The following ARHGAP42 variants were observed in gnomAD, a reference collection of about 807,000 sequenced individuals.
The protein encoded by ARHGAP42 is rho GTPase-activating protein 42.
ARHGAP42 carries 63 observed loss-of-function variants against 125.0 expected under a neutral mutation model. That is an observed-to-expected ratio of 0.50 (90% confidence interval 0.41 to 0.62). The LOEUF is 0.62. ARHGAP42 is among the 20% of genes least tolerant of loss of function. The probability of loss-of-function intolerance (pLI) is 0.00; values close to 1 mark genes in which losing one functional copy is unlikely to be tolerated. For missense variants in ARHGAP42, 766 were observed against 1,024.2 expected, an observed-to-expected ratio of 0.75 and a Z score of 3.44; for synonymous variants, 339 against 351.0, an observed-to-expected ratio of 0.97 and a Z score of 0.38.
chr11:100,957,902 T>C (rs1857845950), intron 12 of ARHGAP42, among the ~76,000 whole-genome samples: 1 of 152,068 alleles, frequency 6.6e-6, no homozygotes, highest in East Asian at 1.9e-4. Context: ...AAGAGAGAAA[T>C]TCTGTTTTAT....
chr11:100,867,479 C>A (rs1865597764), intron 4 of ARHGAP42, among the ~76,000 whole-genome samples: 1 of 152,242 alleles, frequency 6.6e-6, no homozygotes, highest in Non-Finnish European at 1.5e-5. Flanking sequence ...CATGAACCAA[C>A]CTCTGCTAGC....
chr11:100,821,607 C>T (rs1457512615), intron 3 of ARHGAP42, among the ~76,000 whole-genome samples: 1 of 146,378 alleles, frequency 6.8e-6, no homozygotes, highest in East Asian at 2.0e-4. Context: ...CCTACTCCCA[C>T]CACAAAAAAA....
intron 17 of ARHGAP42, among the ~76,000 whole-genome samples, 160 bp from the exon 18 acceptor site, chr11:100,973,015 T>C (rs987178781): frequency 6.6e-6 from 1 of 152,196 alleles, no homozygotes; most frequent in African/African-American, 2.4e-5. Flanking sequence ...TACATCTTTT[T>C]AGGCCATACT....
chr11:100,707,073 C>A (rs1202223405), intron 1 of ARHGAP42, among the ~76,000 whole-genome samples: 3 of 152,166 alleles, frequency 2.0e-5, no homozygotes, highest in African/African-American at 7.2e-5. Flanking sequence ...TAAACATAGA[C>A]CAGTATTTCA....
intron 1 of ARHGAP42, among the ~76,000 whole-genome samples, chr11:100,750,944 T>C (rs1344579966): frequency 6.6e-6 from 1 of 150,670 alleles, no homozygotes. Context: ...TACTTTTTTT[T>C]TTTTTTTTTT....
At chr11:100,946,880 CACAA>C (rs746121622) in intron 10 of ARHGAP42, among the ~76,000 whole-genome samples, 3 of 151,698 alleles carry the variant, frequency 2.0e-5, no homozygotes, top group East Asian at 1.9e-4. Context: ...ACAGGGTTGA[CACAA>C]ACAAACCATC....
chr11:100,888,017 T>C (rs1824689415), intron 4 of ARHGAP42, among the ~76,000 whole-genome samples: 2 of 152,216 alleles, frequency 1.3e-5, no homozygotes, highest in Admixed American at 1.3e-4. Context: ...AAGAATGCTC[T>C]TTGTTACCTG....
chr11:100,760,191 G>C (rs888587638), intron 1 of ARHGAP42, among the ~76,000 whole-genome samples: 4 of 152,192 alleles, frequency 2.6e-5, no homozygotes, highest in Non-Finnish European at 5.9e-5. Context: ...CTCTCTATTT[G>C]AAGACGTTTG....
chr11:100,701,935 C>T (rs1044450988), intron 1 of ARHGAP42, among the ~76,000 whole-genome samples: 4 of 151,890 alleles, frequency 2.6e-5, no homozygotes, highest in African/African-American at 7.3e-5. Flanking sequence ...GCCTAGTTTT[C>T]GGACTGTCTT....
At chr11:100,820,845 G>T (rs1591209107) in intron 3 of ARHGAP42, among the ~76,000 whole-genome samples, 1 of 151,756 alleles carries the variant, frequency 6.6e-6, no homozygotes, top group Non-Finnish European at 1.5e-5. Context: ...GAAAAATAAG[G>T]TTCATTTTAT....
intron 4 of ARHGAP42, among the ~76,000 whole-genome samples, chr11:100,912,691 G>A (rs1866956409): frequency 6.6e-6 from 1 of 152,070 alleles, no homozygotes; most frequent in Non-Finnish European, 1.5e-5. Flanking sequence ...CATTCCATTT[G>A]CATTTCTATG....
At chr11:100,710,602 C>T (rs897432128) in intron 1 of ARHGAP42, among the ~76,000 whole-genome samples, 7 of 139,580 alleles carry the variant, frequency 5.0e-5, no homozygotes, top group African/African-American at 1.1e-4. Context: ...GCAAATGGCA[C>T]GATCTCGGCT....
intron 4 of ARHGAP42, among the ~76,000 whole-genome samples, chr11:100,900,654 A>C (rs1174998697): frequency 1.3e-5 from 2 of 151,916 alleles, no homozygotes; most frequent in Non-Finnish European, 2.9e-5. Flanking sequence ...TTATTTCATT[A>C]ATTTGATCTT....
At chr11:100,921,355 G>A in intron 5 of ARHGAP42, 139 bp from the exon 6 acceptor site, 1 of 571,952 alleles carries the variant, frequency 1.7e-6, no homozygotes. Flanking sequence ...TACACTATAA[G>A]CTCCTGTAGG....
At chr11:100,971,821 A>T (rs1858255285) in intron 17 of ARHGAP42, among the ~76,000 whole-genome samples, 1 of 152,166 alleles carries the variant, frequency 6.6e-6, no homozygotes, top group Non-Finnish European at 1.5e-5. Context: ...GTTGTTATAT[A>T]TATAATTTAC....
rs961969346 is a variant in ARHGAP42 at position 100,974,412 on chromosome 11, G to T, written c.1711-47G>T. 7 of 1,516,654 alleles carry T rather than the reference G, an allele frequency of 4.6e-6. No homozygotes were observed. In the Admixed American group the frequency reaches 1.2e-4, roughly 26 times the overall value. 93.9% of individuals were successfully genotyped at this position (1,516,654 alleles called of 1,614,324 possible). ...CAAAGCTTATTTTATAATGAAAGTG[G>T]CAATATCACCCTTTTATTGACCTTG... On this transcript the variant is annotated intron_variant, in intron 18 of 23. Transcript: ENST00000298815.
Position 100,988,602 on chromosome 11 carries a change from C to T in ARHGAP42, c.2537-111C>T, listed in dbSNP as rs190916904. On this transcript the variant is annotated intron_variant, in intron 23 of 23. Transcript: ENST00000298815. ...TCCACAAGGGGTCCTGGAACTAATC[C>T]CCCACAGATACTGAGGACTGACAAT... The T allele has an allele frequency of 3.3e-4, 265 of 791,638 alleles. No individual in the cohort carries two copies. In the African/African-American group the frequency reaches 4.2e-3, roughly 13 times the overall value. The allele number at this position is 791,638 out of a possible 1,614,324, so 49.0% of individuals were successfully genotyped here.
At chr11:100,974,626 A>T (rs1858342342) in intron 19 of ARHGAP42, 23 bp downstream of exon 19, 1 of 1,529,178 alleles carries the variant, frequency 6.5e-7, no homozygotes, top group African/African-American at 1.4e-5. Flanking sequence ...GGCCTTAGGG[A>T]GATGCTTTCT....
At chr11:100,810,572 AT>A (rs1864112253) in intron 3 of ARHGAP42, among the ~76,000 whole-genome samples, 1 of 152,164 alleles carries the variant, frequency 6.6e-6, no homozygotes, top group Admixed American at 6.5e-5. Flanking sequence ...GCATAACCAT[AT>A]CTAACTGCCT....
Sources: allele counts gnomAD v4.1 joint callset (sites outside exome capture counted in the v4.1 genomes callset), GRCh38; gene constraint gnomAD v4.1.1; transcripts MANE v1.5; gene names NCBI Gene and HGNC (gene_info 2026-07-23, HGNC 2026-07-21).